Variants in CFAP52 observed in about 807,000 individuals in gnomAD.
CFAP52 encodes cilia and flagella associated protein 52.
In CFAP52, 57 loss-of-function variants were observed where a neutral mutation model predicts 70.5. The observed-to-expected ratio is 0.81, with a 90% confidence interval of 0.65 to 1.01. The LOEUF is 1.01. Among genes scored for constraint, CFAP52 ranks in the 50% least tolerant of loss-of-function variants. CFAP52 has a pLI of 0.00. For missense variants in CFAP52, 785 were observed against 788.5 expected, an observed-to-expected ratio of 1.00 and a Z score of 0.05; for synonymous variants, 267 against 292.5, an observed-to-expected ratio of 0.91 and a Z score of 0.89.
At chr17:9,582,495 T>G (rs930482678) in intron 1 of CFAP52, among the ~76,000 whole-genome samples, 7 of 152,254 alleles carry the variant, frequency 4.6e-5, no homozygotes, top group African/African-American at 1.7e-4. Context: ...ATTTTTCTAT[T>G]GAGAAGCATA....
At chr17:9,630,626 T>G (rs373812552) in intron 9 of CFAP52, among the ~76,000 whole-genome samples, 211 of 150,348 alleles carry the variant, frequency 1.4e-3, no homozygotes, top group African/African-American at 5.1e-3. Context: ...GAGACGGGGT[T>G]TCACCGTGTT....
At chr17:9,639,154 G>C (rs1001458589) in intron 12 of CFAP52, 1 of 155,610 alleles carries the variant, frequency 6.4e-6, no homozygotes, top group African/African-American at 2.4e-5. Context: ...ACGGAGCCAA[G>C]CGTGGTGGCT....
chr17:9,607,875 G>A (rs950327915), intron 6 of CFAP52, among the ~76,000 whole-genome samples: 6 of 152,196 alleles, frequency 3.9e-5, no homozygotes, highest in Non-Finnish European at 5.9e-5. Flanking sequence ...TGGTCAGCCT[G>A]GGGGTGCATC....
At chr17:9,631,028 A>AGAGAGAGAGAGAGAGAG (rs1910479353) in intron 9 of CFAP52, among the ~76,000 whole-genome samples, 5 of 44,736 alleles carry the variant, frequency 1.1e-4, no homozygotes, top group East Asian at 2.1e-3. Context: ...GAAAGAAAGA[A>AGAGAGAGAGAGAGAGAG]AGAGAGAGAG....
At chr17:9,598,357 G>C in intron 5 of CFAP52, 24 bp downstream of exon 5, 1 of 1,585,840 alleles carries the variant, frequency 6.3e-7, no homozygotes, top group Non-Finnish European at 8.6e-7. Context: ...TAAGTATTAA[G>C]TAACAATTAG....
intron 3 of CFAP52, among the ~76,000 whole-genome samples, chr17:9,589,285 C>T (rs1908636589): frequency 6.6e-6 from 1 of 152,138 alleles, no homozygotes; most frequent in Admixed American, 6.5e-5. Context: ...AGGTTTATTA[C>T]AAAGGAAATT....
intron 3 of CFAP52, 121 bp from the exon 4 acceptor site, chr17:9,594,072 G>T: frequency 7.1e-7 from 1 of 1,398,686 alleles, no homozygotes; most frequent in Non-Finnish European, 9.4e-7. Flanking sequence ...TAATTTTGTT[G>T]TTCGTTTTTA....
At chr17:9,630,150 C>T (rs966015099) in intron 9 of CFAP52, among the ~76,000 whole-genome samples, 7 of 152,024 alleles carry the variant, frequency 4.6e-5, no homozygotes, top group African/African-American at 1.7e-4. Context: ...TTATCCTAGC[C>T]ACCAGCATCT....
intron 10 of CFAP52, 54 bp from the exon 11 acceptor site, chr17:9,635,351 A>G (rs1597795856): frequency 1.9e-6 from 3 of 1,599,490 alleles, no homozygotes; most frequent in East Asian, 2.2e-5. Flanking sequence ...ATCTTTTCCT[A>G]TCCCTTCAGA....
chr17:9,610,211 AAACT>A (rs1047834602), intron 7 of CFAP52: 1 of 152,232 alleles, frequency 6.6e-6, no homozygotes, highest in African/African-American at 2.4e-5. Flanking sequence ...AGTAAAAAAC[AAACT>A]ATGTTGGGTT....
chr17:9,600,030 C>A, intron 5 of CFAP52, 37 bp from the exon 6 acceptor site: 1 of 1,594,184 alleles, frequency 6.3e-7, no homozygotes, highest in Non-Finnish European at 8.6e-7. Context: ...CGTGAGCCAC[C>A]GAGGCTGGCC....
intron 6 of CFAP52, among the ~76,000 whole-genome samples, chr17:9,601,463 A>G (rs73975740): frequency 0.012 from 1,842 of 152,310 alleles, 40 homozygotes; most frequent in African/African-American, 0.042. Context: ...TCTTCAAAGC[A>G]TAGGGCCTAT....
chr17:9,633,105 G>T, intron 10 of CFAP52, 72 bp downstream of exon 10: 1 of 1,522,246 alleles, frequency 6.6e-7, no homozygotes. Flanking sequence ...CCATCTATTT[G>T]CTTTTAAAAA....
chr17:9,593,627 T>C (rs749174417), intron 3 of CFAP52, among the ~76,000 whole-genome samples: 27 of 152,000 alleles, frequency 1.8e-4, no homozygotes, highest in Non-Finnish European at 3.4e-4. Flanking sequence ...AGCTAATTTT[T>C]TTATTTTCAG....
intron 7 of CFAP52, among the ~76,000 whole-genome samples, chr17:9,609,041 G>A (rs2151940705): frequency 6.6e-6 from 1 of 152,214 alleles, no homozygotes; most frequent in African/African-American, 2.4e-5. Flanking sequence ...CAGAGGGATG[G>A]GCTTAAACAA....
At chr17:9,634,728 C>T (rs1209195240) in intron 10 of CFAP52, among the ~76,000 whole-genome samples, 1 of 152,196 alleles carries the variant, frequency 6.6e-6, no homozygotes, top group Non-Finnish European at 1.5e-5. Context: ...CGCGCCATTG[C>T]ACTCCAGCCT....
intron 7 of CFAP52, among the ~76,000 whole-genome samples, chr17:9,608,631 T>G (rs560962989): frequency 6.6e-6 from 1 of 152,312 alleles, no homozygotes; most frequent in South Asian, 2.1e-4. Context: ...GTGTTAATCA[T>G]GCATTTGAAT....
Position 9,586,768 on chromosome 17 carries a change from T to G in CFAP52, c.341T>G (p.Ile114Ser). 1 of 1,613,900 alleles carries G rather than the reference T, an allele frequency of 6.2e-7. No individual in the cohort carries two copies. The highest frequency in any genetic ancestry group is 8.5e-7 in the Non-Finnish European group (1 of 1,179,936). The change falls in exon 3 of 14, where the codon ATT becomes AGT. Residue 114 changes from isoleucine (I) to serine (S), a missense_variant. Physicochemically the swap from Ile to Ser is moderately radical, Grantham distance 142. Transcript: ENST00000352665. ...CGGCTGTCCCTTCACAAAGGCAAAA[T>G]TGAAGCTCTGGCCTTTTCTCCAAAT... ...LARLSLHKGK[I>S]EALAFSPNDL...
chr17:9,585,990 G>A lies in CFAP52; in HGVS notation c.270+18G>A, dbSNP rs374139528. On this transcript the variant is annotated intron_variant, in intron 2 of 13. Transcript: ENST00000352665. ...GGTTCAAGGTGAATACAGTGAAAAC[G>A]ACTCATTGTCAATTTATCTAGAGGT... 2.2e-4 allele frequency: 351 copies of A among 1,612,282 alleles called. No homozygotes were observed. The African/African-American group carries it at 3.2e-3, about 15-fold the overall frequency.
Sources: allele counts gnomAD v4.1 joint callset (sites outside exome capture counted in the v4.1 genomes callset), GRCh38; gene constraint gnomAD v4.1.1; transcripts MANE v1.5; gene names NCBI Gene and HGNC (gene_info 2026-07-23, HGNC 2026-07-21).